PAH: variants seen among roughly 807,000 people sequenced by gnomAD.
PAH encodes phenylalanine hydroxylase, also known as phenylalanine-4-hydroxylase.
A neutral mutation model predicts 62.0 loss-of-function variants in PAH; 64 were observed. That is an observed-to-expected ratio of 1.03 (90% CI 0.84 to 1.27). The LOEUF is 1.27. PAH is among the 50% of genes most tolerant of loss of function. PAH has a pLI of 0.00. For missense variants in PAH, 579 were observed against 542.8 expected, an observed-to-expected ratio of 1.07 and a Z score of -0.66; for synonymous variants, 195 against 196.2, an observed-to-expected ratio of 0.99 and a Z score of 0.05.
intron 7 of PAH, 24 bp downstream of exon 7, chr12:102,852,791 T>C (rs757144242): frequency 6.2e-7 from 1 of 1,613,934 alleles, no homozygotes; most frequent in South Asian, 1.1e-5. Context: ...GCCTGGCAAC[T>C]GGTAGCTGGA....
chr12:102,903,290 G>A (rs1441220414), intron 2 of PAH, among the ~76,000 whole-genome samples: 1 of 152,038 alleles, frequency 6.6e-6, no homozygotes. Flanking sequence ...GAACCAGGGA[G>A]GTGGAGGTTG....
chr12:102,939,751 T>G (rs1268019922), intron 1 of PAH, among the ~76,000 whole-genome samples: 2 of 152,160 alleles, frequency 1.3e-5, no homozygotes, highest in Non-Finnish European at 2.9e-5. Context: ...TGCTTTTCTC[T>G]GGGGTGGAGC....
chr12:102,860,268 A>G (rs1875657074), intron 5 of PAH, among the ~76,000 whole-genome samples: 1 of 152,250 alleles, frequency 6.6e-6, no homozygotes, highest in Non-Finnish European at 1.5e-5. Context: ...AATCCAACTT[A>G]CAAGGGATGT....
intron 7 of PAH, 47 bp from the exon 8 acceptor site, chr12:102,851,803 C>T: frequency 1.4e-6 from 2 of 1,421,576 alleles, no homozygotes; most frequent in East Asian, 2.3e-5. Context: ...GAGGTTTAAG[C>T]CAAGCCAGAC....
intron 9 of PAH, 24 bp downstream of exon 9, chr12:102,846,871 C>G: frequency 6.2e-7 from 1 of 1,603,736 alleles, no homozygotes; most frequent in Non-Finnish European, 8.5e-7. Flanking sequence ...CTCCACCATC[C>G]ACCCAGGGAG....
intron 5 of PAH, among the ~76,000 whole-genome samples, chr12:102,864,981 G>A (rs889580422): frequency 1.3e-5 from 2 of 152,098 alleles, no homozygotes; most frequent in South Asian, 2.1e-4. Flanking sequence ...CATGACCTTC[G>A]GCACATCAGT....
At chr12:102,853,283 C>T (rs1875261834) in intron 6 of PAH, 1 of 353,812 alleles carries the variant, frequency 2.8e-6, no homozygotes, top group East Asian at 7.2e-5. Context: ...GCTTTCATTA[C>T]CATTTGTTAG....
At chr12:102,930,597 C>T (rs111876801) in intron 1 of PAH, among the ~76,000 whole-genome samples, 95 of 152,298 alleles carry the variant, frequency 6.2e-4, no homozygotes, top group African/African-American at 2.2e-3. Context: ...GTTTTGCTGG[C>T]TGTCTAGGTG....
intron 1 of PAH, chr12:102,946,815 T>A (rs1879514022): frequency 6.6e-6 from 1 of 152,214 alleles, no homozygotes. Flanking sequence ...GTGGGGAGAA[T>A]GATAGGTGAA....
At chr12:102,852,400 C>T (rs928871253) in intron 7 of PAH, 2 of 242,142 alleles carry the variant, frequency 8.3e-6, no homozygotes, top group Non-Finnish European at 1.6e-5. Context: ...AAGTAAGAAG[C>T]ATAATGGCTG....
intron 3 of PAH, among the ~76,000 whole-genome samples, chr12:102,878,028 G>A (rs1876649809): frequency 6.6e-6 from 1 of 152,172 alleles, no homozygotes. Flanking sequence ...GTTCTACCAT[G>A]TTGACCAGGC....
chr12:102,880,501 C>A (rs1423741271), intron 3 of PAH, among the ~76,000 whole-genome samples: 4 of 152,190 alleles, frequency 2.6e-5, no homozygotes, highest in Non-Finnish European at 4.4e-5. Flanking sequence ...AGCCTGCCTC[C>A]ACTCATTCAT....
At chr12:102,936,516 T>A (rs1274750760) in intron 1 of PAH, among the ~76,000 whole-genome samples, 1 of 152,196 alleles carries the variant, frequency 6.6e-6, no homozygotes, top group Non-Finnish European at 1.5e-5. Flanking sequence ...GGAATCTACC[T>A]CTTTCTTTAG....
At chr12:102,902,736 G>T (rs1877812491) in intron 2 of PAH, among the ~76,000 whole-genome samples, 1 of 152,196 alleles carries the variant, frequency 6.6e-6, no homozygotes, top group African/African-American at 2.4e-5. Context: ...TCTGGAGGAG[G>T]AGATCTTGGA....
At chr12:102,911,820 C>T (rs1296748618) in intron 2 of PAH, among the ~76,000 whole-genome samples, 2 of 152,206 alleles carry the variant, frequency 1.3e-5, no homozygotes, top group Non-Finnish European at 2.9e-5. Flanking sequence ...ACACTGAGCA[C>T]TAAGTATGTG....
At chr12:102,917,687 T>C (rs114402011), upstream of PAH, 680 of 165,858 alleles carry the variant, frequency 4.1e-3, 1 homozygote, top group African/African-American at 0.014. Flanking sequence ...TGCTGTGCGC[T>C]GACTTCAGAA....
In PAH at chr12:102,877,509, C is replaced by T. The variant is rs1010447542; in HGVS notation, c.394G>A (p.Ala132Thr). ...PRTIQELDRF[A>T]NQILSYGAEL... ...GCTCCATAGCTGAGAATCTGATTGG[C>T]AAATCTGTCCAGCTCTTGAATGGTT... Residue 132 changes from alanine (A) to threonine (T), a missense_variant, in exon 4 of 13, where the codon GCC (alanine) becomes ACC (threonine). Physicochemically the swap from Ala to Thr is moderately conservative, Grantham distance 58 (BLOSUM62 0). Coordinates refer to ENST00000553106, the MANE Select transcript of PAH (RefSeq NM_000277.3). 6.2e-7 allele frequency: 1 copy of T among 1,614,048 alleles called. No individual in the cohort carries two copies. The highest frequency in any genetic ancestry group is 1.3e-5 in the African/African-American group (1 of 75,008).
intron 3 of PAH, among the ~76,000 whole-genome samples, chr12:102,888,972 G>A (rs1027857641): frequency 2.6e-5 from 4 of 152,026 alleles, no homozygotes; most frequent in African/African-American, 7.3e-5. Flanking sequence ...AGAGGGCAAT[G>A]GGAAGGTGGA....
chr12:102,900,628 A>G lies in PAH; in HGVS notation c.169-5710T>C, dbSNP rs1877715666. The stretch of plus-strand genomic sequence containing the variant: ...CTTTCCCTTTGAGTCAATTTGTTAA[A>G]AAATAACCCTCCAGTTTGGCATGTA... On this transcript the variant is annotated intron_variant, in intron 2 of 12. Transcript: ENST00000553106. Among the ~76,000 whole-genome samples the G allele has an allele frequency of 2.0e-5, 3 of 152,204 alleles. No individual in the cohort carries two copies. The South Asian group carries it at 6.2e-4, about 32-fold the overall frequency.
Sources: allele counts gnomAD v4.1 joint callset (sites outside exome capture counted in the v4.1 genomes callset), GRCh38; gene constraint gnomAD v4.1.1; transcripts MANE v1.5; gene names NCBI Gene and HGNC (gene_info 2026-07-23, HGNC 2026-07-21).